The following PREX2 variants were observed in gnomAD, a reference collection of about 807,000 sequenced individuals.
The protein encoded by PREX2 is phosphatidylinositol 3,4,5-trisphosphate-dependent Rac exchanger 2 protein.
Under a neutral mutation model 203.2 loss-of-function variants are expected in PREX2, and 107 were observed. That is an observed-to-expected ratio of 0.53 (90% CI 0.45 to 0.62). The LOEUF is 0.62. Ranked by LOEUF, PREX2 falls within the 20% of genes least tolerant of loss-of-function variation. PREX2 has a pLI of 0.00. For synonymous variants in PREX2, 672 were observed against 663.6 expected, an observed-to-expected ratio of 1.01 and a Z score of -0.19; for missense variants, 1,777 against 1,955.9, an observed-to-expected ratio of 0.91 and a Z score of 1.72.
intron 1 of PREX2, among the ~76,000 whole-genome samples, chr8:67,954,913 C>T (rs913487182): frequency 1.3e-5 from 2 of 151,838 alleles, no homozygotes; most frequent in Admixed American, 6.6e-5. Flanking sequence ...GGGGCCGAGG[C>T]GGGTGGATCA....
At chr8:68,187,921 G>A (rs552882224) in intron 35 of PREX2, among the ~76,000 whole-genome samples, 17 of 152,280 alleles carry the variant, frequency 1.1e-4, no homozygotes, top group Admixed American at 3.9e-4. Context: ...CTGGGACAGC[G>A]TTTGCAGAGC....
chr8:67,997,890 G>A (rs1229745302), intron 1 of PREX2, among the ~76,000 whole-genome samples: 1 of 152,014 alleles, frequency 6.6e-6, no homozygotes, highest in Non-Finnish European at 1.5e-5. Context: ...CATGAACGTG[G>A]TAGCTCTCCA....
intron 1 of PREX2, among the ~76,000 whole-genome samples, chr8:67,955,620 T>G (rs1805478120): frequency 2.6e-5 from 4 of 152,242 alleles, no homozygotes; most frequent in Admixed American, 2.6e-4. Flanking sequence ...TTTGTTTACT[T>G]TGGTCCTCAT....
chr8:68,021,531 G>T (rs921033315), intron 3 of PREX2, among the ~76,000 whole-genome samples: 1 of 152,174 alleles, frequency 6.6e-6, no homozygotes, highest in African/African-American at 2.4e-5. Context: ...GAACTGCAGG[G>T]TCCTGTGTTT....
intron 1 of PREX2, among the ~76,000 whole-genome samples, chr8:67,985,691 A>G (rs530902599): frequency 6.6e-6 from 1 of 152,320 alleles, no homozygotes; most frequent in African/African-American, 2.4e-5. Flanking sequence ...GCCGCTGAGT[A>G]CAGTAGGCTG....
Position 68,080,453 on chromosome 8 carries a change from AAG to A in PREX2, c.1654_1655del (p.Ser552ArgfsTer5). 1 of 1,611,280 alleles carries A rather than the reference AAG, an allele frequency of 6.2e-7. No individual in the cohort carries two copies. Among genetic ancestry groups the A allele is most frequent in the East Asian group, 2.2e-5 (1 of 44,792 alleles). On this transcript the variant is annotated frameshift_variant, in exon 16 of 40. Transcript: ENST00000288368. LOFTEE classifies it high-confidence loss of function. ...NGFMHHVLEKSEFKDEPLLFR... is the reference protein window; with the variant it reads ...NGFMHHVLEKXEFKDEPLLFR... ...TGTCTTTTTCTGTAGTCCTTGAAAA[AAG>A]CGAATTCAAAGATGAACCCCTACTT...
At chr8:68,109,130 G>A (rs1810480042) in intron 24 of PREX2, 1 of 449,498 alleles carries the variant, frequency 2.2e-6, no homozygotes, top group Non-Finnish European at 4.1e-6. Context: ...GAGATATATT[G>A]TATAACATGC....
intron 31 of PREX2, among the ~76,000 whole-genome samples, chr8:68,129,059 A>T (rs149724026): frequency 2.6e-5 from 4 of 152,336 alleles, no homozygotes; most frequent in Admixed American, 6.5e-5. Context: ...CTGGATCCCC[A>T]CAACCCACTA....
chr8:67,976,706 C>T (rs368937179), intron 1 of PREX2, among the ~76,000 whole-genome samples: 14,473 of 67,712 alleles, frequency 0.21, 2,544 homozygotes, highest in East Asian at 0.45. Context: ...GAGAGAGAGA[C>T]GGGAGAGAGA....
chr8:68,203,728 C>G (rs1812553162), intron 37 of PREX2, among the ~76,000 whole-genome samples: 1 of 152,106 alleles, frequency 6.6e-6, no homozygotes, highest in African/African-American at 2.4e-5. Context: ...CATCCCCGTC[C>G]TCTGTGCACC....
chr8:68,222,950 A>G (rs1384200081), intron 38 of PREX2, among the ~76,000 whole-genome samples: 1 of 152,212 alleles, frequency 6.6e-6, no homozygotes, highest in East Asian at 1.9e-4. Flanking sequence ...GTAATGACCA[A>G]TACTTATCAA....
At chr8:68,136,369 C>A (rs925344453) in intron 32 of PREX2, among the ~76,000 whole-genome samples, 1 of 152,122 alleles carries the variant, frequency 6.6e-6, no homozygotes, top group Non-Finnish European at 1.5e-5. Flanking sequence ...AACCCATAGT[C>A]TTTCTGCTTC....
intron 35 of PREX2, among the ~76,000 whole-genome samples, chr8:68,183,550 A>G (rs186811804): frequency 6.6e-6 from 1 of 152,182 alleles, no homozygotes. Flanking sequence ...GTGTATATGC[A>G]GTATTTTAAC....
chr8:68,060,587 C>T, intron 10 of PREX2, 92 bp from the exon 11 acceptor site: 3 of 773,206 alleles, frequency 3.9e-6, no homozygotes, highest in Non-Finnish European at 6.5e-6. Flanking sequence ...TTTTGAGATT[C>T]CTTTCATCAT....
chr8:67,953,267 G>C (rs993706481), intron 1 of PREX2, among the ~76,000 whole-genome samples: 2 of 148,420 alleles, frequency 1.3e-5, no homozygotes, highest in African/African-American at 5.0e-5. Context: ...TCAAGCTTCG[G>C]GACTTCGTGG....
intron 21 of PREX2, among the ~76,000 whole-genome samples, chr8:68,094,597 T>C (rs1330735592): frequency 6.6e-6 from 1 of 152,244 alleles, no homozygotes; most frequent in Non-Finnish European, 1.5e-5. Context: ...ACTCATATTA[T>C]TGGTGGATGT....
chr8:67,958,988 C>T (rs763408934), intron 1 of PREX2, among the ~76,000 whole-genome samples: 2 of 152,106 alleles, frequency 1.3e-5, no homozygotes, highest in Non-Finnish European at 2.9e-5. Flanking sequence ...AGTGAGAGAT[C>T]TAAAAATTAA....
chr8:68,110,675 C>T (rs143453049), intron 25 of PREX2, among the ~76,000 whole-genome samples: 121 of 152,250 alleles, frequency 7.9e-4, no homozygotes, highest in African/African-American at 2.8e-3. Context: ...ATATTTAGAA[C>T]TTATTCCAAG....
At chr8:67,976,407 A>G (rs923683830) in intron 1 of PREX2, among the ~76,000 whole-genome samples, 6 of 151,710 alleles carry the variant, frequency 4.0e-5, no homozygotes, top group South Asian at 4.2e-4. Context: ...AGAGAGAGAG[A>G]GAGAGACAGG....
Sources: allele counts gnomAD v4.1 joint callset (sites outside exome capture counted in the v4.1 genomes callset), GRCh38; gene constraint gnomAD v4.1.1; transcripts MANE v1.5; gene names NCBI Gene and HGNC (gene_info 2026-07-23, HGNC 2026-07-21).